Variants in ITGAV observed in about 807,000 individuals in gnomAD.
ITGAV encodes integrin alpha-V.
ITGAV carries 76 observed loss-of-function variants against 143.8 expected under a neutral mutation model. The observed-to-expected ratio is 0.53, with a 90% CI of 0.44 to 0.64. The LOEUF (loss-of-function observed/expected upper bound fraction) is 0.64, where lower values mean the gene tolerates loss of function less well. Ranked by LOEUF, ITGAV falls within the 30% of genes least tolerant of loss-of-function variation. The pLI, the probability that ITGAV is intolerant of heterozygous loss-of-function variation, is 0.00. For synonymous variants in ITGAV, 453 were observed against 446.7 expected, an observed-to-expected ratio of 1.01 and a Z score of -0.18; for missense variants, 1,193 against 1,274.7, an observed-to-expected ratio of 0.94 and a Z score of 0.98.
At chr2:186,668,185 C>CATACATATATATATATATATAT (rs1553505648) in intron 24 of ITGAV, among the ~76,000 whole-genome samples, 4 of 19,072 alleles carry the variant, frequency 2.1e-4, no homozygotes, top group Non-Finnish European at 2.6e-4. Context: ...TACATACATA[C>CATACATATATATATATATATAT]ATATATATAT....
At chr2:186,674,742 C>A (rs188013343) in intron 26 of ITGAV, among the ~76,000 whole-genome samples, 41 of 152,082 alleles carry the variant, frequency 2.7e-4, no homozygotes, top group Admixed American at 2.2e-3. Context: ...GAACTCCTGA[C>A]CTCAAGCGAT....
intron 11 of ITGAV, among the ~76,000 whole-genome samples, 180 bp downstream of exon 11, chr2:186,641,147 T>G (rs1008306328): frequency 2.0e-5 from 3 of 151,940 alleles, no homozygotes; most frequent in African/African-American, 7.2e-5. Flanking sequence ...GTTTGTTCTG[T>G]TTTTTTTCAG....
chr2:186,641,842 T>C (rs1202009848), intron 12 of ITGAV, among the ~76,000 whole-genome samples: 1 of 152,218 alleles, frequency 6.6e-6, no homozygotes, highest in Non-Finnish European at 1.5e-5. Context: ...AATGATTACT[T>C]TCTGAAAGGA....
intron 5 of ITGAV, among the ~76,000 whole-genome samples, chr2:186,632,019 C>T (rs1687825832): frequency 6.6e-6 from 1 of 151,972 alleles, no homozygotes; most frequent in African/African-American, 2.4e-5. Context: ...AGAGCAAGAC[C>T]CAGTCTCAAT....
intron 7 of ITGAV, among the ~76,000 whole-genome samples, chr2:186,636,725 A>G (rs1483071105): frequency 6.6e-6 from 1 of 152,222 alleles, no homozygotes; most frequent in Admixed American, 6.5e-5. Context: ...TCTTTATGAT[A>G]TATTAAAACA....
chr2:186,641,038 AT>A (rs2105710823), intron 11 of ITGAV, 71 bp downstream of exon 11: 12 of 1,174,088 alleles, frequency 1.0e-5, no homozygotes, highest in South Asian at 9.7e-5. Flanking sequence ...CAAACTAAAC[AT>A]TTTTTTCTTC....
At chr2:186,673,011 C>G (rs1689107950) in intron 26 of ITGAV, among the ~76,000 whole-genome samples, 1 of 152,178 alleles carries the variant, frequency 6.6e-6, no homozygotes, top group African/African-American at 2.4e-5. Flanking sequence ...CATGAAGATT[C>G]ATACCTAGGC....
chr2:186,651,890 T>A, intron 14 of ITGAV, 92 bp from the exon 15 acceptor site: 1 of 659,662 alleles, frequency 1.5e-6, no homozygotes, highest in Non-Finnish European at 2.7e-6. Flanking sequence ...GACATGGTAC[T>A]ATATATGTAG....
rs376843234 is a variant in ITGAV at position 186,664,523 on chromosome 2, A to G, written c.1955A>G (p.Asp652Gly). The change falls in exon 20 of 30, where the codon GAC becomes GGC. Residue 652 changes from aspartate (D) to glycine (G), a missense_variant. Transcript: ENST00000261023. ...CAAAAGAAGATCTATATTGGGGATGACAACCCTCTGACATTGATTGTTAAG... is the reference window on the plus strand; with the variant it reads ...CAAAAGAAGATCTATATTGGGGATGGCAACCCTCTGACATTGATTGTTAAG... Reference protein sequence around the residue: ...SDQKKIYIGDDNPLTLIVKAQ... With the variant: ...SDQKKIYIGDGNPLTLIVKAQ... 28 of 1,613,878 alleles carry G rather than the reference A, an allele frequency of 1.7e-5. No individual in the cohort carries two copies. In the African/African-American group the frequency reaches 2.3e-4, roughly 13 times the overall value.
chr2:186,643,522 T>TTTG (rs778148659), intron 12 of ITGAV, among the ~76,000 whole-genome samples: 1 of 152,202 alleles, frequency 6.6e-6, no homozygotes, highest in African/African-American at 2.4e-5. Context: ...TGTTAGATCT[T>TTTG]TTGTTGTTGT....
Position 186,620,952 on chromosome 2 carries a change from TA to T in ITGAV, c.317-1381del, listed in dbSNP as rs537391391. On this transcript the variant is annotated intron_variant, in intron 2 of 29. Coordinates refer to ENST00000261023, the MANE Select transcript of ITGAV (RefSeq NM_002210.5). ...ATTGACTTAATATCAATTTTACATA[TA>T]AAAAACATGCATGTATTCATGAAAC... Among the ~76,000 whole-genome samples the T allele has an allele frequency of 3.7e-4, 56 of 152,310 alleles. No individual in the cohort carries two copies. In the South Asian group the frequency reaches 3.7e-3, roughly 10 times the overall value.
intron 2 of ITGAV, among the ~76,000 whole-genome samples, chr2:186,609,721 T>C (rs1319191058): frequency 6.6e-6 from 1 of 151,960 alleles, no homozygotes; most frequent in Non-Finnish European, 1.5e-5. Flanking sequence ...GGGTTCTAGC[T>C]TGAGAAAACA....
chr2:186,664,159 T>C (rs930997451), intron 19 of ITGAV, among the ~76,000 whole-genome samples: 2 of 152,222 alleles, frequency 1.3e-5, no homozygotes, highest in Non-Finnish European at 2.9e-5. Context: ...GCATATGAAT[T>C]ATAAAGAATA....
intron 2 of ITGAV, among the ~76,000 whole-genome samples, chr2:186,604,634 A>T (rs1687006729): frequency 6.6e-6 from 1 of 152,174 alleles, no homozygotes; most frequent in Non-Finnish European, 1.5e-5. Context: ...AACCTCATTT[A>T]TTAGCATATT....
intron 1 of ITGAV, among the ~76,000 whole-genome samples, chr2:186,595,761 A>G (rs987945589): frequency 6.6e-6 from 1 of 152,104 alleles, no homozygotes; most frequent in Non-Finnish European, 1.5e-5. Context: ...AATGGAGTCT[A>G]TCAGGAGAGA....
At chr2:186,668,964 T>C (rs754535583) in intron 25 of ITGAV, 44 bp downstream of exon 25, 17 of 1,464,228 alleles carry the variant, frequency 1.2e-5, no homozygotes, top group African/African-American at 4.3e-5. Context: ...GATATTTCAT[T>C]GCCTTCTTTC....
Position 186,678,764 on chromosome 2 carries a change from A to G in ITGAV, c.*1472A>G, listed in dbSNP as rs1169940339. ...AATTACATCATGTTGTACATTAGAA[A>G]TGGAGAGTTTAATAGCTCTTTAACT... On this transcript the variant is annotated 3_prime_UTR_variant, in exon 30 of 30. Transcript: ENST00000261023. 4.4e-6 allele frequency: 2 copies of G among 455,628 alleles called. No homozygotes were observed. The highest frequency in any genetic ancestry group is 4.0e-5 in the African/African-American group (2 of 50,050). The allele number at this position is 455,628 out of a possible 1,614,324, so 28.2% of individuals were successfully genotyped here.
At chr2:186,613,344 T>C (rs1444099671) in intron 2 of ITGAV, among the ~76,000 whole-genome samples, 2 of 152,112 alleles carry the variant, frequency 1.3e-5, no homozygotes, top group Non-Finnish European at 2.9e-5. Context: ...AAGAGGGAGA[T>C]TTTGATTCTT....
At chr2:186,670,357 A>G (rs867455235) in intron 26 of ITGAV, among the ~76,000 whole-genome samples, 6 of 151,900 alleles carry the variant, frequency 3.9e-5, no homozygotes, top group East Asian at 1.9e-4. Flanking sequence ...CTGGAGTGCA[A>G]TGACACAAAC....
Sources: allele counts gnomAD v4.1 joint callset (sites outside exome capture counted in the v4.1 genomes callset), GRCh38; gene constraint gnomAD v4.1.1; transcripts MANE v1.5; gene names NCBI Gene and HGNC (gene_info 2026-07-23, HGNC 2026-07-21).